PCMTD1: variants seen among roughly 807,000 people sequenced by gnomAD.
The protein encoded by PCMTD1 is protein-L-isoaspartate (D-aspartate) O-methyltransferase domain containing 1, also known as protein-L-isoaspartate O-methyltransferase domain-containing protein 1.
A neutral mutation model predicts 37.6 loss-of-function variants in PCMTD1; 12 were observed. That is an observed-to-expected ratio of 0.32 (90% confidence interval 0.20 to 0.52). The LOEUF is 0.52. Among genes scored for constraint, PCMTD1 ranks in the 20% least tolerant of loss-of-function variants. The probability of loss-of-function intolerance (pLI) is 0.97; values close to 1 mark genes in which losing one functional copy is unlikely to be tolerated. For synonymous variants in PCMTD1, 117 were observed against 135.8 expected (o/e 0.86, Z 0.96); for missense variants, 235 against 421.3 (o/e 0.56, Z 3.87).
At chr8:51,827,807 ATT>A (rs1408962139) in intron 5 of PCMTD1, among the ~76,000 whole-genome samples, 2,338 of 152,098 alleles carry the variant, frequency 0.015, 57 homozygotes, top group African/African-American at 0.052. Context: ...GGTATAATGG[ATT>A]TTTTTTAATT....
chr8:51,848,048 G>A (rs1378847160), intron 2 of PCMTD1, among the ~76,000 whole-genome samples: 3 of 152,028 alleles, frequency 2.0e-5, no homozygotes, highest in Non-Finnish European at 4.4e-5. Flanking sequence ...TGCTGCCATT[G>A]CACTCTGGGC....
intron 3 of PCMTD1, among the ~76,000 whole-genome samples, chr8:51,836,681 G>T (rs1563339665): frequency 6.6e-6 from 1 of 152,172 alleles, no homozygotes; most frequent in Non-Finnish European, 1.5e-5. Context: ...TAGAAGAGAA[G>T]CTTTTCTAGA....
At chr8:51,846,848 A>C (rs2038228701) in intron 2 of PCMTD1, among the ~76,000 whole-genome samples, 1 of 152,226 alleles carries the variant, frequency 6.6e-6, no homozygotes, top group South Asian at 2.1e-4. Context: ...CAAAATGTTC[A>C]GATATAATCT....
intron 2 of PCMTD1, among the ~76,000 whole-genome samples, chr8:51,857,162 G>A (rs896514896): frequency 6.6e-5 from 10 of 152,200 alleles, no homozygotes; most frequent in African/African-American, 2.4e-4. Flanking sequence ...CTTAACTAAT[G>A]CTTCTAAACA....
chr8:51,886,982 C>G (rs1181074642), intron 1 of PCMTD1, among the ~76,000 whole-genome samples: 1 of 151,680 alleles, frequency 6.6e-6, no homozygotes, highest in Non-Finnish European at 1.5e-5. Flanking sequence ...TCTCTCTTGC[C>G]TCATGGCCCT....
At position 51,876,477 on chromosome 8, in the gene PCMTD1, G is replaced by T. The variant is rs552213085; in HGVS notation, c.-95-15231C>A. 1.2e-4 allele frequency among the ~76,000 whole-genome samples: 18 copies of T among 152,296 alleles called. No homozygotes were observed. In the South Asian group the frequency reaches 3.3e-3, roughly 28 times the overall value. On this transcript the variant is annotated intron_variant, in intron 1 of 5. Coordinates refer to ENST00000522514, the MANE Select transcript of PCMTD1 (RefSeq NM_052937.4). ...GAAGGCCTAGAATACACAGGCAGAT[G>T]TAAGAAACCCACCAGTAACCATAAG...
intron 1 of PCMTD1, among the ~76,000 whole-genome samples, chr8:51,885,719 C>T (rs554292904): frequency 6.6e-6 from 1 of 152,312 alleles, no homozygotes; most frequent in Admixed American, 6.5e-5. Flanking sequence ...GTAAATGACA[C>T]TAAATAAATC....
chr8:51,877,503 TA>T (rs1282637846), intron 1 of PCMTD1, among the ~76,000 whole-genome samples: 3 of 152,220 alleles, frequency 2.0e-5, no homozygotes, highest in African/African-American at 7.2e-5. Context: ...GCTAAGAACA[TA>T]AAGTACATTA....
At chr8:51,891,423 G>A (rs993940595) in intron 1 of PCMTD1, among the ~76,000 whole-genome samples, 2 of 151,924 alleles carry the variant, frequency 1.3e-5, no homozygotes, top group Non-Finnish European at 2.9e-5. Flanking sequence ...GCCGGGCATC[G>A]TGGCACATGC....
At chr8:51,884,056 T>C (rs1475548662) in intron 1 of PCMTD1, among the ~76,000 whole-genome samples, 1 of 152,190 alleles carries the variant, frequency 6.6e-6, no homozygotes, top group East Asian at 1.9e-4. Flanking sequence ...GAGTTTCTTT[T>C]CAATACATCC....
intron 3 of PCMTD1, among the ~76,000 whole-genome samples, chr8:51,836,446 C>T (rs2038067869): frequency 6.6e-6 from 1 of 151,566 alleles, no homozygotes; most frequent in Non-Finnish European, 1.5e-5. Flanking sequence ...GCTTCTAATA[C>T]TTTCTTATCA....
At chr8:51,873,078 G>A (rs1347376006) in intron 1 of PCMTD1, among the ~76,000 whole-genome samples, 2 of 152,028 alleles carry the variant, frequency 1.3e-5, no homozygotes, top group African/African-American at 2.4e-5. Flanking sequence ...TTTTATCTAC[G>A]GATGAACACA....
chr8:51,839,401 AACATGAAG>A, intron 3 of PCMTD1: 1 of 953,882 alleles, frequency 1.0e-6, no homozygotes, highest in Non-Finnish European at 1.2e-6. Context: ...CTCGGTTTAG[AACATGAAG>A]ACTTGCCCAA....
chr8:51,844,029 A>C (rs1211169447), intron 3 of PCMTD1, among the ~76,000 whole-genome samples: 1 of 152,226 alleles, frequency 6.6e-6, no homozygotes, highest in African/African-American at 2.4e-5. Flanking sequence ...CAAATACTTA[A>C]TAGCAATTAA....
At chr8:51,898,829 T>G in intron 1 of PCMTD1, 101 bp downstream of exon 1, 1 of 994,670 alleles carries the variant, frequency 1.0e-6, no homozygotes, top group Non-Finnish European at 1.2e-6. Context: ...GCCGTCCCCC[T>G]GGCCCTCTGG....
intron 2 of PCMTD1, 87 bp downstream of exon 2, chr8:51,860,758 T>C (rs1483789499): frequency 2.6e-6 from 3 of 1,132,658 alleles, no homozygotes; most frequent in Admixed American, 5.5e-5. Flanking sequence ...AAACATACTG[T>C]ACACAAAGTT....
intron 5 of PCMTD1, among the ~76,000 whole-genome samples, chr8:51,821,763 A>T (rs1330920215): frequency 6.7e-6 from 1 of 148,368 alleles, no homozygotes; most frequent in Non-Finnish European, 1.5e-5. Context: ...TTTGAGACGG[A>T]GTTTCACTCT....
At chr8:51,830,976 A>G (rs1254909655) in intron 5 of PCMTD1, among the ~76,000 whole-genome samples, 1 of 142,616 alleles carries the variant, frequency 7.0e-6, no homozygotes, top group African/African-American at 2.4e-5. Context: ...TGTCTGGTAC[A>G]AGGTGAGGGC....
intron 2 of PCMTD1, among the ~76,000 whole-genome samples, chr8:51,847,400 G>A (rs2038237783): frequency 6.6e-6 from 1 of 152,186 alleles, no homozygotes; most frequent in African/African-American, 2.4e-5. Flanking sequence ...GCCAAGGCGG[G>A]CAGATGGCTT....
Sources: allele counts gnomAD v4.1 joint callset (sites outside exome capture counted in the v4.1 genomes callset), GRCh38; gene constraint gnomAD v4.1.1; transcripts MANE v1.5; gene names NCBI Gene and HGNC (gene_info 2026-07-23, HGNC 2026-07-21).